Variants in NXPE2 observed in about 807,000 individuals in gnomAD.
The protein encoded by NXPE2 is neurexophilin and PC-esterase domain family member 2, also known as NXPE family member 2.
A neutral mutation model predicts 34.4 loss-of-function variants in NXPE2; 34 were observed. The ratio of observed to expected loss-of-function variants is 0.99; its 90% CI spans 0.75 to 1.31. The LOEUF (loss-of-function observed/expected upper bound fraction) is 1.31, where lower values mean the gene tolerates loss of function less well. NXPE2 is among the 40% of genes most tolerant of loss of function. NXPE2 has a pLI of 0.00. For missense variants in NXPE2, 649 were observed against 672.5 expected (o/e 0.97, Z 0.39); for synonymous variants, 235 against 231.3 (o/e 1.02, Z -0.15).
At chr11:114,632,499 A>G in the NXPE2 span, among the ~76,000 whole-genome samples, 1 of 125,652 alleles carries the variant, frequency 8.0e-6, no homozygotes, top group Admixed American at 1.0e-4. Context: ...AATATATATT[A>G]TAGTATTTTA....
At chr11:114,588,274 C>T in the NXPE2 span, among the ~76,000 whole-genome samples, 1 of 152,168 alleles carries the variant, frequency 6.6e-6, no homozygotes, top group Non-Finnish European at 1.5e-5. Context: ...CTTATCCTTA[C>T]AGGAAATGCT....
chr11:114,790,602 T>C, the NXPE2 span, among the ~76,000 whole-genome samples: 1 of 152,180 alleles, frequency 6.6e-6, no homozygotes, highest in Non-Finnish European at 1.5e-5. Context: ...CCATAGTCTC[T>C]GGTGGCCTGA....
At chr11:114,731,585 G>A in the NXPE2 span, among the ~76,000 whole-genome samples, 1 of 152,138 alleles carries the variant, frequency 6.6e-6, no homozygotes. Flanking sequence ...TGAATAAATC[G>A]CAAGAGGATG....
the NXPE2 span, among the ~76,000 whole-genome samples, chr11:114,618,035 TG>T: frequency 6.6e-6 from 1 of 151,968 alleles, no homozygotes; most frequent in Non-Finnish European, 1.5e-5. Flanking sequence ...TGTTGCCTCG[TG>T]GGTAACAACT....
At chr11:114,707,912 A>G (rs544603168), downstream of NXPE2, among the ~76,000 whole-genome samples, 3 of 152,314 alleles carry the variant, frequency 2.0e-5, no homozygotes, top group South Asian at 4.1e-4. Context: ...CGTTGTAAGT[A>G]TGTACTACAT....
chr11:114,665,769 A>G, the NXPE2 span, among the ~76,000 whole-genome samples: 4 of 152,158 alleles, frequency 2.6e-5, no homozygotes, highest in Non-Finnish European at 5.9e-5. Flanking sequence ...AAGGGCTAAG[A>G]CTGTGCAGGT....
At chr11:114,708,211 A>T (rs1013757305), downstream of NXPE2, among the ~76,000 whole-genome samples, 1 of 152,218 alleles carries the variant, frequency 6.6e-6, no homozygotes, top group Non-Finnish European at 1.5e-5. Flanking sequence ...CTTAGTAACC[A>T]GTTGTTCTCT....
At chr11:114,768,261 T>C in the NXPE2 span, among the ~76,000 whole-genome samples, 1 of 152,134 alleles carries the variant, frequency 6.6e-6, no homozygotes, top group Non-Finnish European at 1.5e-5. Context: ...TACTGTTCCA[T>C]TGGTCTATAT....
At chr11:114,599,945 T>C in the NXPE2 span, among the ~76,000 whole-genome samples, 6 of 152,116 alleles carry the variant, frequency 3.9e-5, no homozygotes, top group Admixed American at 2.0e-4. Flanking sequence ...TATGAGTTCA[T>C]ATCTATACAA....
At chr11:114,576,535 T>C in the NXPE2 span, among the ~76,000 whole-genome samples, 247 of 152,000 alleles carry the variant, frequency 1.6e-3, no homozygotes, top group Middle Eastern at 0.014. Context: ...AAGTGGGCTA[T>C]AGACATGAAT....
At chr11:114,562,859 C>A in the NXPE2 span, among the ~76,000 whole-genome samples, 1 of 152,166 alleles carries the variant, frequency 6.6e-6, no homozygotes, top group Non-Finnish European at 1.5e-5. Context: ...CTTAGAGATG[C>A]TTGCTCTCAA....
At chr11:114,744,102 G>A in the NXPE2 span, among the ~76,000 whole-genome samples, 1 of 152,078 alleles carries the variant, frequency 6.6e-6, no homozygotes, top group Non-Finnish European at 1.5e-5. Context: ...CAAGAGAGTA[G>A]GATGTCTTTC....
At chr11:114,493,906 C>T in the NXPE2 span, among the ~76,000 whole-genome samples, 1 of 152,058 alleles carries the variant, frequency 6.6e-6, no homozygotes, top group African/African-American at 2.4e-5. Flanking sequence ...TTGATGAAAT[C>T]CTTCAGCTTT....
the NXPE2 span, among the ~76,000 whole-genome samples, chr11:114,508,293 CA>C: frequency 6.6e-6 from 1 of 152,130 alleles, no homozygotes; most frequent in African/African-American, 2.4e-5. Flanking sequence ...TAGGAAGAGT[CA>C]ATATTGTTAA....
chr11:114,683,330 T>C (rs1299790207), intron 2 of NXPE2, among the ~76,000 whole-genome samples: 4 of 152,176 alleles, frequency 2.6e-5, no homozygotes, highest in East Asian at 1.9e-4. Context: ...ATAGTACTTT[T>C]CACTTTCTAA....
At chr11:114,726,701 A>G in the NXPE2 span, among the ~76,000 whole-genome samples, 3 of 152,066 alleles carry the variant, frequency 2.0e-5, no homozygotes, top group Admixed American at 6.6e-5. Context: ...GTCAGGAGGA[A>G]CAAGGCCACT....
At chr11:114,692,585 A>G (rs927084214) in intron 2 of NXPE2, among the ~76,000 whole-genome samples, 1 of 152,170 alleles carries the variant, frequency 6.6e-6, no homozygotes, top group Non-Finnish European at 1.5e-5. Flanking sequence ...TCCTGCAGCC[A>G]TGATCATTAA....
chr11:114,777,322 C>A, the NXPE2 span, among the ~76,000 whole-genome samples: 1 of 152,262 alleles, frequency 6.6e-6, no homozygotes, highest in East Asian at 1.9e-4. Context: ...CCCAGGATAC[C>A]TTGTTACATG....
At chr11:114,784,102 CAG>C in the NXPE2 span, among the ~76,000 whole-genome samples, 8 of 152,194 alleles carry the variant, frequency 5.3e-5, no homozygotes, top group Admixed American at 5.2e-4. Context: ...AAGGTTCAAA[CAG>C]ATTGGCTAGA....
Sources: allele counts gnomAD v4.1 joint callset (sites outside exome capture counted in the v4.1 genomes callset), GRCh38; gene constraint gnomAD v4.1.1; transcripts MANE v1.5; gene names NCBI Gene and HGNC (gene_info 2026-07-23, HGNC 2026-07-21).